Variants in WDR7 observed in about 807,000 individuals in gnomAD.
The protein encoded by WDR7 is WD repeat-containing protein 7.
A neutral mutation model predicts 169.4 loss-of-function variants in WDR7; 46 were observed. The observed-to-expected ratio is 0.27, with a 90% CI of 0.21 to 0.35. The LOEUF (loss-of-function observed/expected upper bound fraction) is 0.35, where lower values mean the gene tolerates loss of function less well. WDR7 is among the 10% of genes least tolerant of loss of function. The pLI, the probability that WDR7 is intolerant of heterozygous loss-of-function variation, is 1.00. For synonymous variants in WDR7, 612 were observed against 666.8 expected, an observed-to-expected ratio of 0.92 and a Z score of 1.27; for missense variants, 1,534 against 1,859.3, an observed-to-expected ratio of 0.83 and a Z score of 3.22.
intron 20 of WDR7, among the ~76,000 whole-genome samples, chr18:56,833,146 G>A (rs1382767700): frequency 2.0e-5 from 3 of 151,884 alleles, no homozygotes; most frequent in African/African-American, 4.8e-5. Context: ...GAACATAAAC[G>A]ACCTGATGGA....
At chr18:56,713,485 A>G (rs2026126847) in intron 12 of WDR7, among the ~76,000 whole-genome samples, 1 of 152,214 alleles carries the variant, frequency 6.6e-6, no homozygotes, top group Non-Finnish European at 1.5e-5. Flanking sequence ...TTTCAAAATT[A>G]TTTAATGCAT....
At chr18:56,823,226 T>C (rs1333774672) in intron 20 of WDR7, among the ~76,000 whole-genome samples, 1 of 152,200 alleles carries the variant, frequency 6.6e-6, no homozygotes, top group Non-Finnish European at 1.5e-5. Flanking sequence ...CTCTTTTCAA[T>C]ATCAGATTCG....
chr18:56,659,697 T>C (rs1213023754), intron 1 of WDR7, among the ~76,000 whole-genome samples: 5 of 152,216 alleles, frequency 3.3e-5, no homozygotes, highest in African/African-American at 1.2e-4. Flanking sequence ...GTTTAGTATC[T>C]TTGAGCAACA....
At chr18:56,729,084 C>T (rs970486515) in intron 13 of WDR7, among the ~76,000 whole-genome samples, 2 of 152,120 alleles carry the variant, frequency 1.3e-5, no homozygotes, top group African/African-American at 4.8e-5. Flanking sequence ...TATATTCTCA[C>T]TTATTTGTTG....
rs1020525047 is a variant in WDR7, at chr18:56,682,538, T to C, written c.346-141T>C. On this transcript the variant is annotated intron_variant, in intron 4 of 27. Coordinates refer to ENST00000254442, the MANE Select transcript of WDR7 (RefSeq NM_015285.3). ...ACATACACCCATATAATATGTACCA[T>C]TTGGTAAATATCTAAAATTCTTACC... 1.6e-5 allele frequency: 14 copies of C among 862,934 alleles called. No individual in the cohort carries two copies. In the African/African-American group the frequency reaches 2.0e-4, roughly 13 times the overall value. 53.5% of individuals were successfully genotyped at this position (862,934 alleles called of 1,614,324 possible).
chr18:56,715,921 A>G (rs2026182060), intron 12 of WDR7, among the ~76,000 whole-genome samples: 1 of 152,156 alleles, frequency 6.6e-6, no homozygotes, highest in Admixed American at 6.5e-5. Context: ...TATAAAATGA[A>G]TAATGGATAT....
At chr18:56,956,558 G>T (rs1203210198) in intron 25 of WDR7, among the ~76,000 whole-genome samples, 1 of 152,134 alleles carries the variant, frequency 6.6e-6, no homozygotes, top group Non-Finnish European at 1.5e-5. Flanking sequence ...GTCTAGCCAA[G>T]GAGGTTGAGG....
rs568474850 is a variant in WDR7 at position 56,977,540 on chromosome 18, A to G, written c.4164+15011A>G. On this transcript the variant is annotated intron_variant, in intron 26 of 27. Coordinates refer to ENST00000254442, the MANE Select transcript of WDR7 (RefSeq NM_015285.3). Reference sequence around the variant, plus strand: ...TGATCTGTGTTCCTGCTTTAGAGTGAGCTGTTAAGCAGCTTGTAGACAAAG... The same window carrying G: ...TGATCTGTGTTCCTGCTTTAGAGTGGGCTGTTAAGCAGCTTGTAGACAAAG... Among the ~76,000 whole-genome samples, 17 of 152,328 alleles carry G rather than the reference A, an allele frequency of 1.1e-4. No individual in the cohort carries two copies. The East Asian group carries it at 3.3e-3, about 29-fold the overall frequency.
chr18:56,655,965 G>A (rs1310983147), intron 1 of WDR7, among the ~76,000 whole-genome samples: 1 of 152,172 alleles, frequency 6.6e-6, no homozygotes, highest in Admixed American at 6.5e-5. Context: ...TCCATGGTAC[G>A]TATGTATCCA....
At chr18:56,744,257 AAAAAAAAAAAAAG>A (rs1341278592) in intron 14 of WDR7, among the ~76,000 whole-genome samples, 6 of 140,754 alleles carry the variant, frequency 4.3e-5, no homozygotes, top group Non-Finnish European at 8.9e-5. Context: ...AAAAAAAAAA[AAAAAAAAAAAAAG>A]AAAGAGCACA....
At chr18:56,929,478 C>A (rs1297275135) in intron 22 of WDR7, among the ~76,000 whole-genome samples, 1 of 152,122 alleles carries the variant, frequency 6.6e-6, no homozygotes, top group Non-Finnish European at 1.5e-5. Flanking sequence ...AGATGAAAAT[C>A]TTTTCAACAT....
rs1180434454 is a variant in WDR7, at chr18:57,028,372, C to G, written c.*1165C>G. ...TTCTAAGTAAGCTTTAACTAGACCA[C>G]TTTCTTCTTATGTCAGATTGTGCTG... On this transcript the variant is annotated 3_prime_UTR_variant, in exon 28 of 28. Coordinates refer to ENST00000254442, the MANE Select transcript of WDR7 (RefSeq NM_015285.3). The G allele has an allele frequency of 2.0e-5, 3 of 152,134 alleles. No individual in the cohort carries two copies. The highest frequency in any genetic ancestry group is 7.2e-5 in the African/African-American group (3 of 41,428). The allele number at this position is 152,134 out of a possible 1,614,324, so 9.4% of individuals were successfully genotyped here. A position where few individuals can be genotyped will look rare whatever the true frequency, so the allele number is the denominator to read the frequency against.
intron 23 of WDR7, among the ~76,000 whole-genome samples, chr18:56,937,132 A>T (rs763985440): frequency 2.6e-5 from 4 of 152,134 alleles, no homozygotes; most frequent in African/African-American, 7.2e-5. Flanking sequence ...GTATTTTTTT[A>T]AAAATGAACT....
At chr18:56,964,138 G>C (rs2047372382) in intron 26 of WDR7, among the ~76,000 whole-genome samples, 1 of 144,570 alleles carries the variant, frequency 6.9e-6, no homozygotes, top group South Asian at 2.2e-4. Flanking sequence ...AAAGGACAAA[G>C]TTGTACTTCA....
intron 26 of WDR7, among the ~76,000 whole-genome samples, chr18:56,974,573 T>C (rs1217708073): frequency 6.6e-6 from 1 of 152,132 alleles, no homozygotes. Context: ...AGAGCAATAG[T>C]GAGTGGAATT....
intron 14 of WDR7, among the ~76,000 whole-genome samples, chr18:56,752,618 C>T (rs748906216): frequency 2.6e-5 from 4 of 152,074 alleles, no homozygotes; most frequent in Non-Finnish European, 5.9e-5. Flanking sequence ...GAATTAAATA[C>T]GAGAATGAGA....
At chr18:56,941,157 A>G (rs760263010) in intron 25 of WDR7, among the ~76,000 whole-genome samples, 19 of 152,184 alleles carry the variant, frequency 1.2e-4, no homozygotes. Flanking sequence ...CAGGAGAGGT[A>G]ATTATACAGA....
rs138933479 is a variant in WDR7 at position 56,744,726 on chromosome 18, T to G, written c.1990-11857T>G. On this transcript the variant is annotated intron_variant, in intron 14 of 27. Transcript: ENST00000254442. ...GGCTCCTACACGAGGATTTTCTGATTTAATTGGTATGGGGTGCAACCTTTG... is the reference window on the plus strand; with the variant it reads ...GGCTCCTACACGAGGATTTTCTGATGTAATTGGTATGGGGTGCAACCTTTG... 7.1e-4 allele frequency among the ~76,000 whole-genome samples: 108 copies of G among 152,184 alleles called. 1 individual carries two copies. In the East Asian group the frequency reaches 0.02, roughly 28 times the overall value.
chr18:56,699,677 C>G, intron 12 of WDR7: 1 of 232,000 alleles, frequency 4.3e-6, no homozygotes, highest in African/African-American at 2.3e-5. Context: ...TAAGAATGTA[C>G]AAAGCTGATG....
Sources: allele counts gnomAD v4.1 joint callset (sites outside exome capture counted in the v4.1 genomes callset), GRCh38; gene constraint gnomAD v4.1.1; transcripts MANE v1.5; gene names NCBI Gene and HGNC (gene_info 2026-07-23, HGNC 2026-07-21).